The following HECTD4 variants were observed in gnomAD, a reference collection of about 807,000 sequenced individuals.
HECTD4 encodes HECT domain E3 ubiquitin protein ligase 4.
In HECTD4, 114 loss-of-function variants were observed where a neutral mutation model predicts 471.5. The ratio of observed to expected loss-of-function variants is 0.24; its 90% CI spans 0.21 to 0.28. The LOEUF (loss-of-function observed/expected upper bound fraction) is 0.28. Ranked by LOEUF, HECTD4 falls within the 10% of genes least tolerant of loss-of-function variation. The pLI, the probability that HECTD4 is intolerant of heterozygous loss-of-function variation, is 1.00. For synonymous variants in HECTD4, 2,012 were observed against 2,256.0 expected (o/e 0.89, Z 3.07); for missense variants, 3,866 against 5,651.5 (o/e 0.68, Z 10.13).
chr12:112,185,247 C>G lies in HECTD4; in HGVS notation c.9719G>C (p.Gly3240Ala), dbSNP rs1327700840. 7 of 1,550,126 alleles carry G rather than the reference C, an allele frequency of 4.5e-6. No homozygotes were observed. The highest frequency in any genetic ancestry group is 2.0e-5 in the Admixed American group (1 of 50,914). ...GCCCTGGTCACCGGCCGCCGCCCCCCCGGAGCCCCCGCAGGCGCCGCCTGA... is the reference window on the plus strand; with the variant it reads ...GCCCTGGTCACCGGCCGCCGCCCCCGCGGAGCCCCCGCAGGCGCCGCCTGA... ...WVSGGACGGS[G>A]GAAAGDQGRF... Residue 3240 changes from glycine (G) to alanine (A), a missense_variant, in exon 61 of 76, where the codon GGG (glycine) becomes GCG (alanine). By Grantham distance (60) the Gly-to-Ala change is moderately conservative. Around this residue, in one of 16 missense-constraint regions of HECTD4, gnomAD observed 364 missense variants for 413.2 expected, o/e 0.88. Transcript: ENST00000682272.
intron 2 of HECTD4, among the ~76,000 whole-genome samples, chr12:112,318,425 G>T (rs2035527330): frequency 6.6e-6 from 1 of 151,850 alleles, no homozygotes; most frequent in Admixed American, 6.6e-5. Context: ...CCCAGGTTAG[G>T]GTGCAGTGGC....
At chr12:112,265,832 G>A (rs144628521) in intron 15 of HECTD4, 46 bp downstream of exon 15, 26 of 1,388,512 alleles carry the variant, frequency 1.9e-5, no homozygotes, top group Middle Eastern at 1.8e-4. Flanking sequence ...GTAAACTAAC[G>A]ACTGAGAACA....
rs1377317377 is a variant in HECTD4, at chr12:112,279,339, T to G, written c.1576A>C (p.Ile526Leu). ...LPLKMLRKTP[I>L]YTCGTYLVML... is the part of the protein sequence containing the mutation. Reference sequence around the variant, plus strand: ...ACCAAGTAGGTGCCACAGGTATATATGGGTGTCTTCCGCAGCATTTTTAGA... The same window carrying G: ...ACCAAGTAGGTGCCACAGGTATATAGGGGTGTCTTCCGCAGCATTTTTAGA... The change falls in exon 9 of 76, where the codon ATA (isoleucine) becomes CTA (leucine). Residue 526 changes from isoleucine (I) to leucine (L), a missense_variant. By Grantham distance (5) the Ile-to-Leu change is conservative. Coordinates refer to ENST00000682272, the MANE Select transcript of HECTD4 (RefSeq NM_001388303.1). 6.2e-7 allele frequency: 1 copy of G among 1,611,204 alleles called. No homozygotes were observed. The highest frequency in any genetic ancestry group is 1.7e-5 in the Admixed American group (1 of 58,954).
intron 66 of HECTD4, among the ~76,000 whole-genome samples, chr12:112,174,263 C>T (rs2031351900): frequency 1.4e-5 from 2 of 143,252 alleles, no homozygotes; most frequent in Admixed American, 7.2e-5. Context: ...GCCACCTCGT[C>T]TGACTTTTTT....
intron 8 of HECTD4, 147 bp from the exon 9 acceptor site, chr12:112,279,533 A>G: frequency 2.9e-6 from 2 of 679,162 alleles, no homozygotes; most frequent in Non-Finnish European, 4.8e-6. Flanking sequence ...ACAGAATAAG[A>G]AGTAATAGCT....
At chr12:112,229,327 AAAACAAACAAAC>A (rs111958992) in intron 41 of HECTD4, among the ~76,000 whole-genome samples, 99 of 151,326 alleles carry the variant, frequency 6.5e-4, no homozygotes, top group East Asian at 1.6e-3. Context: ...ACTCTGTCTC[AAAACAAACAAAC>A]AAACAAACAA....
intron 7 of HECTD4, among the ~76,000 whole-genome samples, chr12:112,291,879 G>GA (rs1044830226): frequency 6.6e-6 from 1 of 151,516 alleles, no homozygotes; most frequent in African/African-American, 2.4e-5. Flanking sequence ...CTCAGAAAAA[G>GA]AAAAAAAATA....
At chr12:112,168,986 T>C (rs546142617) in intron 70 of HECTD4, among the ~76,000 whole-genome samples, 1 of 152,348 alleles carries the variant, frequency 6.6e-6, no homozygotes, top group East Asian at 1.9e-4. Flanking sequence ...GGCTCCCTCC[T>C]GCCCGGACAG....
At chr12:112,198,969 T>G (rs1270983616) in intron 55 of HECTD4, among the ~76,000 whole-genome samples, 2 of 152,134 alleles carry the variant, frequency 1.3e-5, no homozygotes, top group Non-Finnish European at 2.9e-5. Context: ...TTCTGGAGCA[T>G]GGTGATGCTT....
intron 14 of HECTD4, 51 bp downstream of exon 14, chr12:112,266,861 G>C (rs1346920417): frequency 1.1e-6 from 1 of 895,034 alleles, no homozygotes; most frequent in African/African-American, 1.7e-5. Flanking sequence ...TTGTTTCCTT[G>C]GGGACAAAAA....
chr12:112,321,564 C>T (rs2035584574), intron 1 of HECTD4, among the ~76,000 whole-genome samples: 1 of 152,138 alleles, frequency 6.6e-6, no homozygotes, highest in East Asian at 1.9e-4. Context: ...AGGTCTTTGG[C>T]ACTGACATTA....
chr12:112,313,815 G>A (rs756978990), intron 3 of HECTD4, among the ~76,000 whole-genome samples: 4 of 152,126 alleles, frequency 2.6e-5, no homozygotes, highest in East Asian at 3.9e-4. Flanking sequence ...AAAAAATTAC[G>A]AAGCTATGTT....
intron 40 of HECTD4, 25 bp downstream of exon 40, chr12:112,230,662 A>C: frequency 6.3e-7 from 1 of 1,586,188 alleles, no homozygotes; most frequent in Non-Finnish European, 8.6e-7. Flanking sequence ...TTATTTTCTC[A>C]GTTGAGTAGC....
chr12:112,272,328 G>A (rs2034432563), intron 11 of HECTD4, among the ~76,000 whole-genome samples: 1 of 152,224 alleles, frequency 6.6e-6, no homozygotes, highest in South Asian at 2.1e-4. Context: ...GGGATTACAG[G>A]TGTGGGCCAC....
intron 11 of HECTD4, among the ~76,000 whole-genome samples, chr12:112,271,755 A>AT (rs950417001): frequency 2.0e-5 from 3 of 151,076 alleles, no homozygotes; most frequent in Non-Finnish European, 4.4e-5. Flanking sequence ...TGGAATTTCC[A>AT]TTTTTTTTTG....
intron 53 of HECTD4, 84 bp downstream of exon 53, chr12:112,204,402 A>G: frequency 7.6e-7 from 1 of 1,308,588 alleles, no homozygotes; most frequent in Non-Finnish European, 1.1e-6. Context: ...TAGGAGAACC[A>G]CCAGCTGCTT....
Position 112,268,571 on chromosome 12 carries a change from C to A in HECTD4, c.2321+1133G>T, listed in dbSNP as rs148580030. Among the ~76,000 whole-genome samples, 1,106 of 152,130 alleles carry A rather than the reference C, an allele frequency of 7.3e-3. 19 individuals are homozygous for A. Among genetic ancestry groups the A allele is most frequent in the African/African-American group, 0.025 (1,054 of 41,522 alleles). On this transcript the variant is annotated intron_variant, in intron 13 of 75. Transcript: ENST00000682272. ...AGGAGTTCGAGACCAGCCTGGCCAA[C>A]GTGGTGAAACCCCATCTCTACTAAA...
intron 1 of HECTD4, among the ~76,000 whole-genome samples, chr12:112,376,095 A>T (rs1232400749): frequency 6.6e-6 from 1 of 152,054 alleles, no homozygotes; most frequent in African/African-American, 2.4e-5. Context: ...TAATAATAAA[A>T]ATTCCTATAT....
In HECTD4 at chr12:112,346,402, A is replaced by T. The variant is rs77257863; in HGVS notation, c.178-26660T>A. Among the ~76,000 whole-genome samples, 901 of 152,174 alleles carry T rather than the reference A, an allele frequency of 5.9e-3. 10 individuals carry two copies. The highest frequency in any genetic ancestry group is 0.021 in the African/African-American group (878 of 41,498). On this transcript the variant is annotated intron_variant, in intron 1 of 75. Transcript: ENST00000682272. ...TTTCCTTTTCTTTCCCTCCCCTCAG[A>T]TCACTTTGGTACATACCAGCAATTC...
Sources: gnomAD v4.1 joint callset for allele counts (sites outside exome capture counted in the v4.1 genomes callset) on GRCh38, gnomAD v4.1.1 for gene constraint, gnomAD v4.1.1 regional missense constraint, MANE v1.5 for transcripts, NCBI Gene and HGNC (gene_info 2026-07-23, HGNC 2026-07-21) for gene names.